ELF1: variants seen among roughly 807,000 people sequenced by gnomAD.
ELF1 encodes the protein E74 like ETS transcription factor 1.
Under a neutral mutation model 59.9 loss-of-function variants are expected in ELF1, and 24 were observed. The ratio of observed to expected loss-of-function variants is 0.40; its 90% confidence interval spans 0.29 to 0.56. The LOEUF (loss-of-function observed/expected upper bound fraction) is 0.56, where lower values mean the gene tolerates loss of function less well. Ranked by LOEUF, ELF1 falls within the 20% of genes least tolerant of loss-of-function variation. The pLI, the probability that ELF1 is intolerant of heterozygous loss-of-function variation, is 0.44. For missense variants in ELF1, 627 were observed against 742.2 expected, an observed-to-expected ratio of 0.84 and a Z score of 1.80; for synonymous variants, 248 against 266.2, an observed-to-expected ratio of 0.93 and a Z score of 0.67.
In ELF1 at chr13:40,964,825, G is replaced by A. The variant is rs140573789; in HGVS notation, c.73-5809C>T. 1.6e-3 allele frequency among the ~76,000 whole-genome samples: 241 copies of A among 152,186 alleles called. 3 individuals are homozygous for A. Among genetic ancestry groups the A allele is most frequent in the African/African-American group, 5.5e-3 (228 of 41,512 alleles). ...GTTGGGATTACAGGTGTGAGCCACC[G>A]CACCCAGCCCAAATTTCCCCTTTTT... On this transcript the variant is annotated intron_variant, in intron 2 of 8. Coordinates refer to ENST00000239882, the MANE Select transcript of ELF1 (RefSeq NM_172373.4).
At chr13:41,008,957 A>C (rs1874901507) in intron 1 of ELF1, among the ~76,000 whole-genome samples, 1 of 150,942 alleles carries the variant, frequency 6.6e-6, no homozygotes, top group African/African-American at 2.4e-5. Flanking sequence ...TCTTTTTTGC[A>C]CTTTTTTTTT....
chr13:41,047,950 G>T (rs555823885), intron 1 of ELF1, among the ~76,000 whole-genome samples: 1 of 152,336 alleles, frequency 6.6e-6, no homozygotes, highest in African/African-American at 2.4e-5. Context: ...AGGCCACTTT[G>T]TTTACCTACT....
chr13:41,036,469 A>C (rs1478875831), intron 1 of ELF1, among the ~76,000 whole-genome samples: 1 of 152,154 alleles, frequency 6.6e-6, no homozygotes, highest in Non-Finnish European at 1.5e-5. Context: ...TTAAAACTTA[A>C]AAGTGGAGAA....
intron 3 of ELF1, among the ~76,000 whole-genome samples, chr13:40,955,177 A>G (rs1303236050): frequency 6.9e-6 from 1 of 145,898 alleles, no homozygotes; most frequent in Non-Finnish European, 1.5e-5. Context: ...CCCGGCAGCC[A>G]CACCCTCTGA....
intron 1 of ELF1, among the ~76,000 whole-genome samples, chr13:41,060,113 G>C (rs1002779536): frequency 1.8e-4 from 27 of 152,206 alleles, no homozygotes; most frequent in Admixed American, 1.4e-3. Context: ...CCTCGCGCTT[G>C]CTCAGGCGCC....
intron 5 of ELF1, among the ~76,000 whole-genome samples, chr13:40,948,476 C>G (rs1566167862): frequency 6.6e-6 from 1 of 152,238 alleles, no homozygotes; most frequent in Non-Finnish European, 1.5e-5. Context: ...ATATCCTTCT[C>G]AGCCCTTCTG....
intron 2 of ELF1, among the ~76,000 whole-genome samples, chr13:40,961,409 A>G (rs1013683778): frequency 6.6e-6 from 1 of 152,184 alleles, no homozygotes; most frequent in Non-Finnish European, 1.5e-5. Context: ...TATAGAAGCC[A>G]GGCCTGGTGG....
chr13:40,952,537 AT>A (rs1870922572), intron 3 of ELF1, among the ~76,000 whole-genome samples: 1 of 151,504 alleles, frequency 6.6e-6, no homozygotes, highest in East Asian at 2.0e-4. Context: ...AATTTTTAAA[AT>A]TTTTTTAGAG....
intron 1 of ELF1, among the ~76,000 whole-genome samples, chr13:40,990,423 A>G (rs1383426671): frequency 2.0e-5 from 3 of 152,154 alleles, no homozygotes; most frequent in Non-Finnish European, 4.4e-5. Context: ...TTATTTTTCT[A>G]CTTTACTGTA....
chr13:40,966,484 G>GT lies in ELF1; in HGVS notation c.73-7469dup, dbSNP rs1872179998. Among the ~76,000 whole-genome samples the GT allele has an allele frequency of 2.0e-5, 3 of 152,196 alleles. No homozygotes were observed. In the South Asian group the frequency reaches 6.2e-4, roughly 32 times the overall value. On this transcript the variant is annotated intron_variant, in intron 2 of 8. Coordinates refer to ENST00000239882, the MANE Select transcript of ELF1 (RefSeq NM_172373.4). ...GTCCACGATATAGTTTCCACTTGTG[G>GT]TTGATCACGTATGTGGCAATACCAT...
At chr13:40,934,051 G>GT (rs1246585779) in intron 8 of ELF1, 23 bp from the exon 9 acceptor site, 1 of 1,585,050 alleles carries the variant, frequency 6.3e-7, no homozygotes, top group African/African-American at 1.4e-5. Flanking sequence ...TGAAATTAAA[G>GT]TGAGACAATT....
intron 2 of ELF1, among the ~76,000 whole-genome samples, chr13:40,969,546 CAAT>C (rs1403315558): frequency 4.6e-5 from 7 of 152,258 alleles, no homozygotes; most frequent in Non-Finnish European, 1.0e-4. Flanking sequence ...GGGTAAGAGA[CAAT>C]AAGTGTTCAT....
At chr13:40,992,978 G>C (rs1873944034) in intron 1 of ELF1, 5 of 1,042,432 alleles carry the variant, frequency 4.8e-6, no homozygotes, top group Non-Finnish European at 6.0e-6. Flanking sequence ...CTTTCTTTAA[G>C]TCTTCACAGG....
chr13:41,012,050 T>C (rs945974014), intron 1 of ELF1, among the ~76,000 whole-genome samples: 1 of 152,118 alleles, frequency 6.6e-6, no homozygotes, highest in African/African-American at 2.4e-5. Context: ...CTCCCACCTG[T>C]AATCCCAGGA....
chr13:40,993,640 C>T (rs1181241580), intron 1 of ELF1, among the ~76,000 whole-genome samples: 1 of 151,980 alleles, frequency 6.6e-6, no homozygotes, highest in Non-Finnish European at 1.5e-5. Flanking sequence ...ACTACCACAC[C>T]TGACTAATTT....
chr13:40,996,111 C>T (rs143098047), intron 1 of ELF1, among the ~76,000 whole-genome samples: 1 of 152,274 alleles, frequency 6.6e-6, no homozygotes, highest in African/African-American at 2.4e-5. Context: ...ACTAAAATGA[C>T]AATGAGGTGT....
chr13:40,956,248 G>A (rs1871417761), intron 3 of ELF1, among the ~76,000 whole-genome samples: 1 of 151,734 alleles, frequency 6.6e-6, no homozygotes, highest in Non-Finnish European at 1.5e-5. Context: ...TTCTGCCTTG[G>A]GATCCTGTTG....
intron 1 of ELF1, among the ~76,000 whole-genome samples, chr13:41,041,626 T>A (rs1047915114): frequency 6.6e-6 from 1 of 151,942 alleles, no homozygotes; most frequent in Admixed American, 6.6e-5. Context: ...AGTGAGCCAT[T>A]ATTGCGCCAC....
upstream of ELF1, among the ~76,000 whole-genome samples, chr13:41,022,224 C>T (rs1875716488): frequency 6.6e-6 from 1 of 152,164 alleles, no homozygotes; most frequent in Non-Finnish European, 1.5e-5. Flanking sequence ...TGGAATGCTA[C>T]TCAGCAACAA....
Sources: gnomAD v4.1 joint callset for allele counts (sites outside exome capture counted in the v4.1 genomes callset) on GRCh38, gnomAD v4.1.1 for gene constraint, MANE v1.5 for transcripts, NCBI Gene and HGNC (gene_info 2026-07-23, HGNC 2026-07-21) for gene names.